ENTREP2: variants seen among roughly 807,000 people sequenced by gnomAD.
ENTREP2 encodes endosomal transmembrane epsin interactor 2, also known as protein ENTREP2.
chr15:29,511,391 T>C, the ENTREP2 span, among the ~76,000 whole-genome samples: 1 of 151,702 alleles, frequency 6.6e-6, no homozygotes, highest in Non-Finnish European at 1.5e-5. Context: ...CCCAGTGGCG[T>C]GATCTTAGCT....
the ENTREP2 span, among the ~76,000 whole-genome samples, chr15:29,637,850 T>TC: frequency 6.6e-6 from 1 of 152,140 alleles, no homozygotes; most frequent in African/African-American, 2.4e-5. Flanking sequence ...GAAATCAAGC[T>TC]CGTCGCACTG....
the ENTREP2 span, among the ~76,000 whole-genome samples, chr15:29,489,149 G>C: frequency 9.3e-6 from 1 of 107,502 alleles, no homozygotes; most frequent in Non-Finnish European, 1.8e-5. Flanking sequence ...ATAAAACATG[G>C]GAAAAACTGG....
the ENTREP2 span, among the ~76,000 whole-genome samples, chr15:29,527,992 T>A: frequency 6.6e-6 from 1 of 151,968 alleles, no homozygotes; most frequent in Non-Finnish European, 1.5e-5. Context: ...TCTGCACACA[T>A]CCGCCCTGCA....
At chr15:29,136,478 G>T in the ENTREP2 span, 3 of 1,548,520 alleles carry the variant, frequency 1.9e-6, no homozygotes, top group Non-Finnish European at 2.6e-6. Flanking sequence ...GAATGGAGAC[G>T]GAGCAAAGTC....
chr15:29,480,437 G>GC, the ENTREP2 span, among the ~76,000 whole-genome samples: 112 of 151,096 alleles, frequency 7.4e-4, no homozygotes, highest in African/African-American at 2.6e-3. Context: ...GGCACAGAGG[G>GC]CCCCCCAGTG....
At chr15:29,556,590 C>G in the ENTREP2 span, among the ~76,000 whole-genome samples, 2 of 152,196 alleles carry the variant, frequency 1.3e-5, no homozygotes, top group African/African-American at 4.8e-5. Flanking sequence ...AAAACAGATA[C>G]TGACTCTGAG....
chr15:29,591,832 G>GAGAAGAAGAAGAAGAAGAAGAAGAAGA, the ENTREP2 span, among the ~76,000 whole-genome samples: 141 of 140,202 alleles, frequency 1.0e-3, 1 homozygote, highest in African/African-American at 1.9e-3. Flanking sequence ...CATCTCAAAA[G>GAGAAGAAGAAGAAGAAGAAGAAGAAGA]AGAAGAAGAA....
At chr15:29,130,497 T>C in the ENTREP2 span, among the ~76,000 whole-genome samples, 12 of 152,186 alleles carry the variant, frequency 7.9e-5, no homozygotes, top group Non-Finnish European at 1.3e-4. Context: ...TTTTGGATCG[T>C]AGACGGGTGG....
At chr15:29,172,181 T>C in the ENTREP2 span, among the ~76,000 whole-genome samples, 2 of 152,100 alleles carry the variant, frequency 1.3e-5, no homozygotes, top group African/African-American at 4.8e-5. Context: ...CCCTCCAAAA[T>C]CCACACAGTC....
chr15:29,396,690 G>A, the ENTREP2 span, among the ~76,000 whole-genome samples: 1 of 152,108 alleles, frequency 6.6e-6, no homozygotes, highest in Non-Finnish European at 1.5e-5. Context: ...GCCAAGCCCA[G>A]GGTTGTAAAG....
chr15:29,342,054 C>T, the ENTREP2 span, among the ~76,000 whole-genome samples: 20 of 152,298 alleles, frequency 1.3e-4, no homozygotes, highest in Non-Finnish European at 2.5e-4. Flanking sequence ...GAAAAGACCA[C>T]CCCTTGCTCT....
the ENTREP2 span, among the ~76,000 whole-genome samples, chr15:29,205,437 G>A: frequency 1.3e-5 from 2 of 152,254 alleles, no homozygotes; most frequent in East Asian, 3.9e-4. Flanking sequence ...GTTCCACCAA[G>A]AGTGTACAAG....
At chr15:29,632,369 TC>T in the ENTREP2 span, among the ~76,000 whole-genome samples, 1 of 152,248 alleles carries the variant, frequency 6.6e-6, no homozygotes, top group Non-Finnish European at 1.5e-5. Context: ...TTTTATGCTG[TC>T]TTTTATTTTG....
chr15:29,272,493 T>G, the ENTREP2 span, among the ~76,000 whole-genome samples: 4 of 152,170 alleles, frequency 2.6e-5, no homozygotes, highest in Admixed American at 6.5e-5. Context: ...ACTTTATTGT[T>G]AGTGTCAACT....
the ENTREP2 span, among the ~76,000 whole-genome samples, chr15:29,652,104 G>A: frequency 2.0e-5 from 3 of 152,176 alleles, no homozygotes; most frequent in Non-Finnish European, 4.4e-5. Flanking sequence ...GCCAGAGCAG[G>A]AGAGACAATG....
the ENTREP2 span, among the ~76,000 whole-genome samples, chr15:29,356,369 T>G: frequency 7.5e-6 from 1 of 134,218 alleles, no homozygotes; most frequent in African/African-American, 2.7e-5. Context: ...TGCAGTGGCG[T>G]GATCTCAGCT....
At chr15:29,379,825 CTT>C in the ENTREP2 span, among the ~76,000 whole-genome samples, 83 of 152,248 alleles carry the variant, frequency 5.5e-4, no homozygotes, top group African/African-American at 1.5e-3. Context: ...TCATTTCTCT[CTT>C]GTCTTTTCAT....
At chr15:29,292,761 G>C in the ENTREP2 span, among the ~76,000 whole-genome samples, 2 of 152,144 alleles carry the variant, frequency 1.3e-5, no homozygotes, top group Non-Finnish European at 2.9e-5. Flanking sequence ...AATTTATAAG[G>C]TCTCCATCTA....
chr15:29,434,897 C>CGAGTGTTA, the ENTREP2 span, among the ~76,000 whole-genome samples: 1 of 152,074 alleles, frequency 6.6e-6, no homozygotes, highest in Non-Finnish European at 1.5e-5. Flanking sequence ...GACCATGGCC[C>CGAGTGTTA]GAGTGTTAGG....
Sources: gnomAD v4.1 joint callset for allele counts (sites outside exome capture counted in the v4.1 genomes callset) on GRCh38, gnomAD v4.1.1 for gene constraint, MANE v1.5 for transcripts, NCBI Gene and HGNC (gene_info 2026-07-23, HGNC 2026-07-21) for gene names.